SLC1A2: variants seen among roughly 807,000 people sequenced by gnomAD.
SLC1A2 encodes the protein excitatory amino acid transporter 2.
In SLC1A2, 15 loss-of-function variants were observed where a neutral mutation model predicts 48.8. That is an observed-to-expected ratio of 0.31 (90% CI 0.21 to 0.47). The LOEUF (loss-of-function observed/expected upper bound fraction) is 0.47, where lower values mean the gene tolerates loss of function less well. Ranked by LOEUF, SLC1A2 falls within the 20% of genes least tolerant of loss-of-function variation. The probability of loss-of-function intolerance (pLI) is 0.99; values close to 1 mark genes in which losing one functional copy is unlikely to be tolerated. For missense variants in SLC1A2, 502 were observed against 730.5 expected (o/e 0.69, Z 3.61); for synonymous variants, 279 against 272.6 (o/e 1.02, Z -0.23).
At chr11:35,315,260 C>T in intron 2 of SLC1A2, 85 bp from the exon 3 acceptor site, 2 of 948,182 alleles carry the variant, frequency 2.1e-6, no homozygotes, top group Non-Finnish European at 3.3e-6. Context: ...GCAACATTGA[C>T]CTTTCTCATG....
chr11:35,352,931 C>T (rs1853315868), intron 1 of SLC1A2, among the ~76,000 whole-genome samples: 1 of 152,130 alleles, frequency 6.6e-6, no homozygotes, highest in African/African-American at 2.4e-5. Flanking sequence ...TGAAAACTGT[C>T]CCAGCAGTGA....
chr11:35,304,219 C>G (rs1293570116), intron 5 of SLC1A2, among the ~76,000 whole-genome samples: 1 of 152,078 alleles, frequency 6.6e-6, no homozygotes, highest in African/African-American at 2.4e-5. Flanking sequence ...CTGTGACTTC[C>G]CAGAATCCAC....
intron 1 of SLC1A2, among the ~76,000 whole-genome samples, chr11:35,414,256 A>G (rs142514822): frequency 6.6e-6 from 1 of 152,348 alleles, no homozygotes; most frequent in East Asian, 1.9e-4. Context: ...GAAAAACCAG[A>G]GCACTAAGAA....
At chr11:35,267,663 A>G (rs1301245724) in intron 9 of SLC1A2, among the ~76,000 whole-genome samples, 1 of 152,124 alleles carries the variant, frequency 6.6e-6, no homozygotes, top group East Asian at 1.9e-4. Flanking sequence ...GTTGTGGTCT[A>G]CTTTGGAGCT....
intron 6 of SLC1A2, among the ~76,000 whole-genome samples, chr11:35,295,482 G>A (rs1851142634): frequency 6.6e-6 from 1 of 152,210 alleles, no homozygotes; most frequent in African/African-American, 2.4e-5. Flanking sequence ...CAGCACCCAA[G>A]GCCACCACTC....
intron 1 of SLC1A2, among the ~76,000 whole-genome samples, chr11:35,324,454 C>T (rs1852174690): frequency 6.6e-6 from 1 of 152,162 alleles, no homozygotes; most frequent in East Asian, 1.9e-4. Flanking sequence ...CATTACAGAG[C>T]TCCAGTGAGA....
chr11:35,380,958 G>A (rs1000545047), intron 1 of SLC1A2, among the ~76,000 whole-genome samples: 15 of 152,212 alleles, frequency 9.9e-5, no homozygotes, highest in South Asian at 4.1e-4. Context: ...AGTGGGGATG[G>A]AGGTAGAAGA....
intron 1 of SLC1A2, among the ~76,000 whole-genome samples, chr11:35,387,065 T>G (rs1425712505): frequency 2.6e-5 from 4 of 152,088 alleles, no homozygotes; most frequent in African/African-American, 4.8e-5. Context: ...CCACACCCAG[T>G]AATCTGCAAA....
intron 1 of SLC1A2, among the ~76,000 whole-genome samples, chr11:35,335,725 G>A (rs537124335): frequency 2.2e-4 from 34 of 152,130 alleles, no homozygotes; most frequent in South Asian, 1.9e-3. Context: ...CACTTTGGGC[G>A]GCCAAGGCAG....
intron 1 of SLC1A2, among the ~76,000 whole-genome samples, chr11:35,405,323 CTAAG>C (rs1855253365): frequency 6.6e-6 from 1 of 152,144 alleles, no homozygotes; most frequent in Non-Finnish European, 1.5e-5. Context: ...ATTAAACATA[CTAAG>C]TGTCTCTTTA....
chr11:35,398,354 C>T (rs1855036194), intron 1 of SLC1A2, among the ~76,000 whole-genome samples: 2 of 152,132 alleles, frequency 1.3e-5, no homozygotes, highest in Non-Finnish European at 2.9e-5. Context: ...AATCATGTCC[C>T]TTGCAGCAAC....
intron 5 of SLC1A2, among the ~76,000 whole-genome samples, chr11:35,304,744 C>T (rs1851452990): frequency 6.6e-6 from 1 of 152,008 alleles, no homozygotes; most frequent in African/African-American, 2.4e-5. Flanking sequence ...AGTAGGCTTA[C>T]CAAATTTGGA....
chr11:35,358,701 G>A (rs1175215772), intron 1 of SLC1A2, among the ~76,000 whole-genome samples: 1 of 152,116 alleles, frequency 6.6e-6, no homozygotes. Context: ...AAAGAACAGA[G>A]TACTGAATAT....
intron 7 of SLC1A2, among the ~76,000 whole-genome samples, chr11:35,287,958 T>A (rs571420493): frequency 1.3e-5 from 2 of 152,334 alleles, no homozygotes; most frequent in South Asian, 4.1e-4. Context: ...AAACCTGCAA[T>A]GCAGATAACA....
Position 35,419,192 on chromosome 11 carries a change from G to C in SLC1A2, c.-226C>G, listed in dbSNP as rs553529475. 2.2e-6 allele frequency: 1 copy of C among 452,766 alleles called. No individual in the cohort carries two copies. The highest frequency in any genetic ancestry group is 4.6e-5 in the South Asian group (1 of 21,728). The allele number at this position is 452,766 out of a possible 1,614,324, so 28.0% of individuals were successfully genotyped here. A position where few individuals can be genotyped will look rare whatever the true frequency, so the allele number is the denominator to read the frequency against. ...CGGCTCTCCACGGCGCGCGACCCGC[G>C]CTCCCCTCCGCCCGCGGGGATGGCG... On this transcript the variant is annotated 5_prime_UTR_variant, in exon 1 of 11. Coordinates refer to ENST00000278379, the MANE Select transcript of SLC1A2 (RefSeq NM_004171.4). This position sits in a 1 kb window ranked among gnomAD's most constrained non-coding sequence, Gnocchi z 5.4.
chr11:35,350,510 T>C (rs1410845538), intron 1 of SLC1A2, among the ~76,000 whole-genome samples: 3 of 152,174 alleles, frequency 2.0e-5, no homozygotes, highest in African/African-American at 2.4e-5. Context: ...CCCAAGGTCA[T>C]ATAACTAATA....
At chr11:35,302,508 G>C (rs1422507916) in intron 5 of SLC1A2, among the ~76,000 whole-genome samples, 1 of 152,088 alleles carries the variant, frequency 6.6e-6, no homozygotes, top group African/African-American at 2.4e-5. Context: ...CCCCAGGAAA[G>C]ATTTAAGGAG....
chr11:35,365,012 C>T (rs191323466), intron 1 of SLC1A2, among the ~76,000 whole-genome samples: 76 of 152,332 alleles, frequency 5.0e-4, no homozygotes, highest in African/African-American at 1.6e-3. Context: ...TAGAGTAAGA[C>T]TGTGAAACTA....
intron 1 of SLC1A2, among the ~76,000 whole-genome samples, chr11:35,328,870 T>A (rs1852333209): frequency 6.6e-6 from 1 of 152,216 alleles, no homozygotes; most frequent in Non-Finnish European, 1.5e-5. Flanking sequence ...TTATCTGGTC[T>A]AGTGGCCCCA....
Sources: allele counts gnomAD v4.1 joint callset (sites outside exome capture counted in the v4.1 genomes callset), GRCh38; gene constraint gnomAD v4.1.1; non-coding constraint Gnocchi (gnomAD v3.1); transcripts MANE v1.5; gene names NCBI Gene and HGNC (gene_info 2026-07-23, HGNC 2026-07-21).